Variants in TASP1 observed in about 807,000 individuals in gnomAD.
TASP1 encodes the protein taspase 1.
A neutral mutation model predicts 56.6 loss-of-function variants in TASP1; 16 were observed. The observed-to-expected ratio is 0.28, with a 90% CI of 0.19 to 0.43. The LOEUF (loss-of-function observed/expected upper bound fraction) is 0.43. Among genes scored for constraint, TASP1 ranks in the 20% least tolerant of loss-of-function variants. The pLI, the probability that TASP1 is intolerant of heterozygous loss-of-function variation, is 1.00. For missense variants in TASP1, 393 were observed against 511.6 expected (o/e 0.77, Z 2.24); for synonymous variants, 179 against 184.2 (o/e 0.97, Z 0.23).
chr20:13,205,540 T>C, the TASP1 span, among the ~76,000 whole-genome samples: 59 of 151,650 alleles, frequency 3.9e-4, no homozygotes, highest in African/African-American at 1.4e-3. Flanking sequence ...ACTTCGTGGT[T>C]TACAAACTTG....
rs146053268 is a variant in TASP1, at chr20:13,532,889, T to C, written c.795+1133A>G. ...GACAAATACACAGGACTTTATAATG[T>C]AGAAAAATACCATGACCAGACAAAG... On this transcript the variant is annotated intron_variant, in intron 9 of 13. Transcript: ENST00000337743. 1.1e-3 allele frequency among the ~76,000 whole-genome samples: 173 copies of C among 152,308 alleles called. 1 individual carries two copies. The highest frequency in any genetic ancestry group is 3.4e-3 in the Middle Eastern group (1 of 294).
At chr20:13,476,435 T>A (rs1453100781) in intron 11 of TASP1, among the ~76,000 whole-genome samples, 2 of 152,218 alleles carry the variant, frequency 1.3e-5, no homozygotes, top group African/African-American at 4.8e-5. Flanking sequence ...CTAGCATTTT[T>A]AGATTATTTG....
At chr20:13,613,239 T>TG (rs1423128876) in intron 4 of TASP1, among the ~76,000 whole-genome samples, 1 of 152,184 alleles carries the variant, frequency 6.6e-6, no homozygotes, top group Non-Finnish European at 1.5e-5. Flanking sequence ...TGCAGCTAAT[T>TG]GGAAGTCACA....
At chr20:13,227,513 CTT>C in the TASP1 span, among the ~76,000 whole-genome samples, 16 of 115,428 alleles carry the variant, frequency 1.4e-4, no homozygotes, top group Non-Finnish European at 1.3e-4. Flanking sequence ...CAACTTTTTT[CTT>C]TTTTTTTTTT....
At chr20:13,279,501 A>C in the TASP1 span, 1 of 848,862 alleles carries the variant, frequency 1.2e-6, no homozygotes, top group Non-Finnish European at 1.8e-6. Context: ...GTGTATCGCC[A>C]TGCAATCTCA....
At chr20:13,142,076 C>T in the TASP1 span, among the ~76,000 whole-genome samples, 4 of 152,218 alleles carry the variant, frequency 2.6e-5, no homozygotes, top group Admixed American at 1.3e-4. Flanking sequence ...GTTCCAGAAC[C>T]TTCTGCCCCT....
chr20:13,259,647 T>C, the TASP1 span, among the ~76,000 whole-genome samples: 3 of 152,240 alleles, frequency 2.0e-5, no homozygotes, highest in Non-Finnish European at 2.9e-5. Flanking sequence ...ATTAATGTCC[T>C]GTAGAGCCAT....
intron 10 of TASP1, among the ~76,000 whole-genome samples, chr20:13,507,720 A>AC (rs1405743612): frequency 6.6e-6 from 1 of 152,170 alleles, no homozygotes; most frequent in Non-Finnish European, 1.5e-5. Flanking sequence ...ACAGAAATAG[A>AC]AAGAACAATG....
At chr20:13,262,090 G>A in the TASP1 span, among the ~76,000 whole-genome samples, 2 of 152,308 alleles carry the variant, frequency 1.3e-5, no homozygotes, top group East Asian at 1.9e-4. Context: ...CCTGGAAACC[G>A]AGTCCTAGAC....
chr20:13,270,884 A>G, the TASP1 span: 1 of 770,410 alleles, frequency 1.3e-6, no homozygotes, highest in Non-Finnish European at 2.1e-6. Context: ...TGTTATCTCC[A>G]TAAGAACAGT....
intron 10 of TASP1, among the ~76,000 whole-genome samples, chr20:13,486,528 G>C (rs1275334014): frequency 6.6e-6 from 1 of 152,080 alleles, no homozygotes; most frequent in Non-Finnish European, 1.5e-5. Flanking sequence ...AAGAAAACAA[G>C]CAAGCATGTT....
chr20:13,212,823 T>C, the TASP1 span, among the ~76,000 whole-genome samples: 2 of 152,210 alleles, frequency 1.3e-5, no homozygotes, highest in African/African-American at 4.8e-5. Flanking sequence ...CAAAGCTATT[T>C]CTCATTTAAC....
chr20:13,492,999 T>A (rs2043592091), intron 10 of TASP1, among the ~76,000 whole-genome samples: 1 of 152,174 alleles, frequency 6.6e-6, no homozygotes, highest in African/African-American at 2.4e-5. Flanking sequence ...TTAGTTTTTA[T>A]CACTACTGCC....
At chr20:13,555,507 T>C (rs1171327087) in intron 8 of TASP1, among the ~76,000 whole-genome samples, 1 of 151,756 alleles carries the variant, frequency 6.6e-6, no homozygotes, top group Admixed American at 6.6e-5. Context: ...AAGCAGCAAC[T>C]CTTCACCTGT....
the TASP1 span, among the ~76,000 whole-genome samples, chr20:13,205,985 ACCT>A: frequency 6.6e-6 from 1 of 152,058 alleles, no homozygotes; most frequent in Non-Finnish European, 1.5e-5. Context: ...TGCTCTCAGG[ACCT>A]CCATCACCGG....
the TASP1 span, among the ~76,000 whole-genome samples, chr20:13,291,543 G>A: frequency 5.9e-5 from 9 of 152,168 alleles, no homozygotes; most frequent in African/African-American, 1.7e-4. Context: ...TTACCACAGT[G>A]CCTCACTCCC....
the TASP1 span, chr20:13,244,138 G>C: frequency 6.6e-6 from 1 of 152,160 alleles, no homozygotes; most frequent in Non-Finnish European, 1.5e-5. Flanking sequence ...TTTGTTCACA[G>C]ACAGACAAGA....
intron 6 of TASP1, 151 bp downstream of exon 6, chr20:13,580,746 T>G: frequency 1.5e-6 from 1 of 671,174 alleles, no homozygotes; most frequent in Non-Finnish European, 2.6e-6. Context: ...TATCCAAAAC[T>G]TTATTAGCTG....
chr20:13,631,390 T>C (rs562249257), intron 1 of TASP1, among the ~76,000 whole-genome samples: 6 of 152,362 alleles, frequency 3.9e-5, no homozygotes, highest in African/African-American at 1.4e-4. Context: ...TTCCTAACCA[T>C]GTTTTTCTTC....
Sources: allele counts gnomAD v4.1 joint callset (sites outside exome capture counted in the v4.1 genomes callset), GRCh38; gene constraint gnomAD v4.1.1; transcripts MANE v1.5; gene names NCBI Gene and HGNC (gene_info 2026-07-23, HGNC 2026-07-21).